Variants in GNG7 observed in about 807,000 individuals in gnomAD.
The protein encoded by GNG7 is G protein subunit gamma 7, also known as guanine nucleotide-binding protein G(I)/G(S)/G(O) subunit gamma-7.
GNG7 carries 1 observed loss-of-function variant against 4.0 expected under a neutral mutation model. The ratio of observed to expected loss-of-function variants is 0.25; its 90% CI spans 0.09 to 1.18. GNG7 has a LOEUF of 1.18. GNG7 is among the 50% of genes most tolerant of loss of function. GNG7 has a pLI of 0.50. For missense variants in GNG7, 86 were observed against 91.9 expected, an observed-to-expected ratio of 0.94 and a Z score of 0.26; for synonymous variants, 34 against 36.9, an observed-to-expected ratio of 0.92 and a Z score of 0.29.
At chr19:2,674,658 A>G (rs545760050) in intron 1 of GNG7, among the ~76,000 whole-genome samples, 98 of 151,894 alleles carry the variant, frequency 6.5e-4, no homozygotes, top group African/African-American at 2.1e-3. Flanking sequence ...CTGGTCTCGA[A>G]CTCCTGACCT....
rs560191248 is a variant in GNG7, at chr19:2,596,204, C to G, written c.-77-41016G>C. ...TGAAACCCCATCTCTACTGAAAATACAAAAATTAGCCGGGTGCGGTGGTGC... is the reference window on the plus strand; with the variant it reads ...TGAAACCCCATCTCTACTGAAAATAGAAAAATTAGCCGGGTGCGGTGGTGC... On this transcript the variant is annotated intron_variant, in intron 2 of 4. Transcript: ENST00000382159. 9.9e-5 allele frequency among the ~76,000 whole-genome samples: 15 copies of G among 151,844 alleles called. No individual in the cohort carries two copies. The East Asian group carries it at 2.9e-3, about 29-fold the overall frequency.
intron 1 of GNG7, among the ~76,000 whole-genome samples, chr19:2,660,814 G>A (rs1983124862): frequency 6.6e-6 from 1 of 151,734 alleles, no homozygotes; most frequent in South Asian, 2.1e-4. Flanking sequence ...AAGACACAGT[G>A]ACTTTTGCTT....
chr19:2,601,548 AAG>A (rs1174451048), intron 2 of GNG7, among the ~76,000 whole-genome samples: 3 of 152,270 alleles, frequency 2.0e-5, no homozygotes, highest in East Asian at 3.9e-4. Flanking sequence ...GCAGCAGGAA[AAG>A]AGAGGTGCCT....
intron 2 of GNG7, among the ~76,000 whole-genome samples, chr19:2,601,116 C>A (rs1466791043): frequency 6.6e-6 from 1 of 151,924 alleles, no homozygotes. Context: ...GCCTGGGTGA[C>A]AAGGAGAGAC....
intron 2 of GNG7, among the ~76,000 whole-genome samples, chr19:2,582,861 G>T (rs934947379): frequency 2.6e-5 from 4 of 151,946 alleles, no homozygotes; most frequent in Non-Finnish European, 5.9e-5. Context: ...TAGAGATGGG[G>T]TTTCACCATG....
Position 2,563,185 on chromosome 19 carries a change from C to T in GNG7, c.-77-7997G>A, listed in dbSNP as rs140216568. ...GGATGGTCTCGATCTCCTGACCTCG[C>T]GATCCACCTGCCTCAGCCTCCCAAA... is the stretch of plus-strand genomic sequence containing the variant. On this transcript the variant is annotated intron_variant, in intron 2 of 4. Transcript: ENST00000382159. Among the ~76,000 whole-genome samples the T allele has an allele frequency of 2.5e-3, 386 of 152,104 alleles. 1 individual carries two copies. The highest frequency in any genetic ancestry group is 8.9e-3 in the African/African-American group (369 of 41,498).
chr19:2,682,627 GC>G (rs1347738351), intron 1 of GNG7, among the ~76,000 whole-genome samples: 5 of 135,750 alleles, frequency 3.7e-5, no homozygotes, highest in Non-Finnish European at 1.5e-5. Flanking sequence ...CTGCACTCCA[GC>G]CTGGGCAACA....
Position 2,513,045 on chromosome 19 carries a change from G to C in GNG7, c.*1977C>G. 1.0e-6 allele frequency: 1 copy of C among 983,628 alleles called. No homozygotes were observed. Among genetic ancestry groups the C allele is most frequent in the Non-Finnish European group, 1.2e-6 (1 of 828,118 alleles). The allele number at this position is 983,628 out of a possible 1,614,324, so 60.9% of individuals were successfully genotyped here. ...CCCCAGCCCTCCCGGACCTGCCGTA[G>C]AGAGCTGGGTGCCGGGGGTGGGGAG... is the stretch of plus-strand genomic sequence containing the variant. On this transcript the variant is annotated 3_prime_UTR_variant, in exon 5 of 5. Transcript: ENST00000382159.
At chr19:2,672,698 G>C (rs1271687004) in intron 1 of GNG7, among the ~76,000 whole-genome samples, 1 of 151,686 alleles carries the variant, frequency 6.6e-6, no homozygotes, top group Non-Finnish European at 1.5e-5. Flanking sequence ...TGCCCGCCTC[G>C]ACCTCCCAAA....
chr19:2,640,840 G>C (rs1982486582), intron 2 of GNG7, among the ~76,000 whole-genome samples: 1 of 152,098 alleles, frequency 6.6e-6, no homozygotes, highest in Admixed American at 6.5e-5. Context: ...TGTTGCCCAG[G>C]CTAGTCTCAC....
intron 1 of GNG7, among the ~76,000 whole-genome samples, chr19:2,661,392 C>T (rs1983174527): frequency 6.6e-6 from 1 of 151,772 alleles, no homozygotes; most frequent in African/African-American, 2.4e-5. Flanking sequence ...CACAGTGGCT[C>T]ATGCCTATAA....
chr19:2,602,068 G>A (rs570648250), intron 2 of GNG7, among the ~76,000 whole-genome samples: 2 of 152,192 alleles, frequency 1.3e-5, no homozygotes, highest in African/African-American at 4.8e-5. Flanking sequence ...CGGGCACAGT[G>A]GCTCACGCCT....
chr19:2,652,174 CA>C (rs962048355), intron 1 of GNG7, among the ~76,000 whole-genome samples: 41 of 137,096 alleles, frequency 3.0e-4, no homozygotes, highest in Admixed American at 1.3e-3. Flanking sequence ...GACTCCGTCT[CA>C]AAAAAAAAAA....
rs150892659 is a variant in GNG7 at position 2,536,099 on chromosome 19, G to A, written c.-37-15374C>T. Among the ~76,000 whole-genome samples, 963 of 151,876 alleles carry A rather than the reference G, an allele frequency of 6.3e-3. 3 individuals carry two copies. The highest frequency in any genetic ancestry group is 0.01 in the Middle Eastern group (3 of 294). On this transcript the variant is annotated intron_variant, in intron 3 of 4. Transcript: ENST00000382159. ...GTGACCACACCACTGTACTTCAGCC[G>A]GGCAACAGAGTGAGACATATCTCAA...
intron 3 of GNG7, among the ~76,000 whole-genome samples, chr19:2,551,910 T>C (rs1162318096): frequency 6.6e-6 from 1 of 152,036 alleles, no homozygotes; most frequent in Non-Finnish European, 1.5e-5. Flanking sequence ...GTCTCGAGCT[T>C]CTGACCTCAG....
At chr19:2,652,335 T>C (rs1982852242) in intron 1 of GNG7, among the ~76,000 whole-genome samples, 2 of 150,534 alleles carry the variant, frequency 1.3e-5, no homozygotes, top group South Asian at 4.2e-4. Flanking sequence ...GAACCCCAAA[T>C]ACAGCCAGGC....
At chr19:2,640,052 AGGAAGGAGGGAGGGAGAGAG>A (rs1344659918) in intron 2 of GNG7, among the ~76,000 whole-genome samples, 5 of 84,428 alleles carry the variant, frequency 5.9e-5, no homozygotes, top group East Asian at 4.7e-4. Flanking sequence ...GAAGAAAGGA[AGGAAGGAGGGAGGGAGAGAG>A]GGAAGGAGGG....
At chr19:2,698,395 C>T (rs1473449296) in intron 1 of GNG7, among the ~76,000 whole-genome samples, 5 of 151,994 alleles carry the variant, frequency 3.3e-5, no homozygotes, top group African/African-American at 1.2e-4. Context: ...GAAACCCCGT[C>T]TCTACTAAAA....
intron 4 of GNG7, among the ~76,000 whole-genome samples, chr19:2,517,673 A>G (rs1364075070): frequency 6.6e-6 from 1 of 151,934 alleles, no homozygotes; most frequent in Admixed American, 6.6e-5. Flanking sequence ...CCTGGCCATA[A>G]TTTTTAGAAT....
Sources: allele counts gnomAD v4.1 joint callset (sites outside exome capture counted in the v4.1 genomes callset), GRCh38; gene constraint gnomAD v4.1.1; transcripts MANE v1.5; gene names NCBI Gene and HGNC (gene_info 2026-07-23, HGNC 2026-07-21).